The following IFT46 variants were observed in gnomAD, a reference collection of about 807,000 sequenced individuals.
The protein encoded by IFT46 is intraflagellar transport protein 46 homolog.
In IFT46, 19 loss-of-function variants were observed where a neutral mutation model predicts 39.6. That is an observed-to-expected ratio of 0.48 (90% CI 0.33 to 0.70). The LOEUF (loss-of-function observed/expected upper bound fraction) is 0.70. Among genes scored for constraint, IFT46 ranks in the 30% least tolerant of loss-of-function variants. IFT46 has a pLI of 0.01. For synonymous variants in IFT46, 117 were observed against 134.8 expected (o/e 0.87, Z 0.91); for missense variants, 334 against 364.8 (o/e 0.92, Z 0.69).
chr11:118,548,782 C>T (rs1555067785), intron 9 of IFT46, among the ~76,000 whole-genome samples: 20 of 150,496 alleles, frequency 1.3e-4, no homozygotes, highest in African/African-American at 4.6e-4. Context: ...TGAGCCACTG[C>T]ACCTGGCCTT....
intron 2 of IFT46, chr11:118,561,221 C>T (rs782109711): frequency 1.2e-5 from 17 of 1,375,588 alleles, no homozygotes; most frequent in Admixed American, 1.0e-4. Flanking sequence ...CAGTACCAAA[C>T]GATTCCCTAG....
intron 9 of IFT46, chr11:118,547,218 G>A (rs1951707441): frequency 6.6e-6 from 1 of 152,130 alleles, no homozygotes; most frequent in Non-Finnish European, 1.5e-5. Flanking sequence ...AAAAAAATCT[G>A]TCTTTGTAGA....
At chr11:118,573,761 T>G, upstream of IFT46, 1 of 646,810 alleles carries the variant, frequency 1.5e-6, no homozygotes, top group Non-Finnish European at 2.8e-6. Flanking sequence ...TTTAGGCCAC[T>G]GAACAGCTTT....
At chr11:118,571,148 G>A (rs1215610791) in intron 1 of IFT46, among the ~76,000 whole-genome samples, 1 of 152,100 alleles carries the variant, frequency 6.6e-6, no homozygotes, top group Non-Finnish European at 1.5e-5. Context: ...GCTAGTTTCT[G>A]TCTCTGTGGA....
upstream of IFT46, chr11:118,573,743 G>T (rs1555072914): frequency 2.9e-6 from 2 of 681,864 alleles, no homozygotes; most frequent in Admixed American, 4.2e-5. Flanking sequence ...GGGAATTCAT[G>T]CTTGGACTTT....
chr11:118,545,593 C>G, intron 10 of IFT46, 99 bp from the exon 11 acceptor site: 1 of 1,150,286 alleles, frequency 8.7e-7, no homozygotes, highest in Non-Finnish European at 1.3e-6. Flanking sequence ...GATGGGGTGT[C>G]GCTATGACTT....
At chr11:118,551,047 C>T (rs1951794737) in intron 9 of IFT46, among the ~76,000 whole-genome samples, 1 of 136,330 alleles carries the variant, frequency 7.3e-6, no homozygotes, top group South Asian at 2.4e-4. Flanking sequence ...AAAAAAAAAA[C>T]TATCTTTCTT....
At chr11:118,546,116 T>C (rs182210702) in intron 9 of IFT46, 35 of 718,398 alleles carry the variant, frequency 4.9e-5, no homozygotes, top group Non-Finnish European at 3.6e-5. Context: ...GGTGTCCTTA[T>C]AGGAAGAAGA....
upstream of IFT46, among the ~76,000 whole-genome samples, chr11:118,567,437 A>G (rs567347960): frequency 5.7e-4 from 86 of 151,168 alleles, no homozygotes; most frequent in African/African-American, 1.9e-3. Context: ...TTAGCTAGGC[A>G]TGGTGGCGCG....
At chr11:118,560,791 A>G in intron 2 of IFT46, 1 of 725,328 alleles carries the variant, frequency 1.4e-6, no homozygotes, top group Non-Finnish European at 2.5e-6. Context: ...ATCCTCAGAA[A>G]TGCTTGGTGA....
Position 118,555,100 on chromosome 11 carries a change from A to G in IFT46, c.261-17T>C. On this transcript the variant is annotated splice_polypyrimidine_tract_variant and intron_variant, in intron 5 of 11. Transcript: ENST00000264021. The stretch of plus-strand genomic sequence containing the variant: ...GGTGTGTACCTAGGAGATATTGCCA[A>G]GGGAAGGTGGAGACAGTCAGAAAAA... 6.3e-7 allele frequency: 1 copy of G among 1,596,460 alleles called. No homozygotes were observed. Among genetic ancestry groups the G allele is most frequent in the Non-Finnish European group, 8.6e-7 (1 of 1,163,940 alleles).
chr11:118,559,783 A>G lies in IFT46; in HGVS notation c.45+2T>C. ...TACAAGAAGCTGTGAGTTTTACTGT[A>G]CCTTGTTATTTTCCTCTTCACACTC... On this transcript the variant is annotated splice_donor_variant, in intron 3 of 11. Transcript: ENST00000264021. LOFTEE classifies it high-confidence loss of function. 6.2e-7 allele frequency: 1 copy of G among 1,611,356 alleles called. No homozygotes were observed. Among genetic ancestry groups the G allele is most frequent in the African/African-American group, 1.3e-5 (1 of 74,988 alleles).
At chr11:118,556,464 G>C (rs537897328) in intron 4 of IFT46, among the ~76,000 whole-genome samples, 1 of 152,096 alleles carries the variant, frequency 6.6e-6, no homozygotes, top group Non-Finnish European at 1.5e-5. Context: ...CTGCACTCCA[G>C]CCTGGGCGAT....
At chr11:118,566,359 T>TTA (rs1309093025), upstream of IFT46, among the ~76,000 whole-genome samples, 1 of 152,220 alleles carries the variant, frequency 6.6e-6, no homozygotes, top group Admixed American at 6.5e-5. Flanking sequence ...TGGAACATAC[T>TTA]TATAGCAATA....
chr11:118,572,511 A>G (rs782055565), intron 1 of IFT46: 1 of 1,611,010 alleles, frequency 6.2e-7, no homozygotes, highest in South Asian at 1.1e-5. Context: ...TCCCCAGTGG[A>G]GCCGGAGTGC....
At chr11:118,552,722 G>A (rs928227261) in intron 7 of IFT46, among the ~76,000 whole-genome samples, 24 of 151,612 alleles carry the variant, frequency 1.6e-4, no homozygotes, top group Non-Finnish European at 2.9e-4. Flanking sequence ...GAGCCCAGGC[G>A]TTTGAGGTTG....
upstream of IFT46, among the ~76,000 whole-genome samples, chr11:118,574,343 G>C (rs1938431858): frequency 6.6e-6 from 1 of 152,118 alleles, no homozygotes. Context: ...GAAATGTCCA[G>C]ATAGGGTGAA....
upstream of IFT46, among the ~76,000 whole-genome samples, chr11:118,570,838 T>A (rs1338862783): frequency 6.6e-6 from 1 of 152,206 alleles, no homozygotes; most frequent in Non-Finnish European, 1.5e-5. Context: ...AATTTACAAA[T>A]CATAAAAATT....
In IFT46 at chr11:118,554,580, C is replaced by G; in HGVS notation, c.362G>C (p.Arg121Pro). ...GDIDAFLKVPRPDGKPDNLGL... is the reference protein window; with the variant it reads ...GDIDAFLKVPPPDGKPDNLGL... ...AAGGTTGTCAGGCTTTCCATCAGGA[C>G]GTGGGACCTGGTTAAGAAAAAGGTA... The change falls in exon 7 of 12, where the codon CGT becomes CCT. Residue 121 changes from arginine to proline, a missense_variant. By Grantham distance (103) the Arg-to-Pro change is moderately radical. Coordinates refer to ENST00000264021, the MANE Select transcript of IFT46 (RefSeq NM_001168618.2). The G allele has an allele frequency of 1.3e-6, 2 of 1,593,822 alleles. No homozygotes were observed. Among genetic ancestry groups the G allele is most frequent in the Non-Finnish European group, 1.7e-6 (2 of 1,174,640 alleles).
Sources: allele counts gnomAD v4.1 joint callset (sites outside exome capture counted in the v4.1 genomes callset), GRCh38; gene constraint gnomAD v4.1.1; transcripts MANE v1.5; gene names NCBI Gene and HGNC (gene_info 2026-07-23, HGNC 2026-07-21).